Variants in NELL1 observed in about 807,000 individuals in gnomAD.
NELL1 encodes the protein protein kinase C-binding protein NELL1.
Under a neutral mutation model 107.4 loss-of-function variants are expected in NELL1, and 76 were observed. That is an observed-to-expected ratio of 0.71 (90% CI 0.59 to 0.86). NELL1 has a LOEUF of 0.86. NELL1 is among the 40% of genes least tolerant of loss of function. The pLI is 0.00. For missense variants in NELL1, 1,024 were observed against 1,005.5 expected (o/e 1.02, Z -0.25); for synonymous variants, 353 against 341.2 (o/e 1.03, Z -0.38).
chr11:21,339,145 G>C (rs966873212), intron 14 of NELL1, among the ~76,000 whole-genome samples: 4 of 152,312 alleles, frequency 2.6e-5, no homozygotes, highest in African/African-American at 9.6e-5. Context: ...GAATGTGACT[G>C]TATGTGGAAT....
intron 2 of NELL1, among the ~76,000 whole-genome samples, chr11:20,707,390 C>T (rs1854994087): frequency 6.6e-6 from 1 of 152,240 alleles, no homozygotes; most frequent in Non-Finnish European, 1.5e-5. Context: ...ATTATCTGCT[C>T]AGCTTTGTTC....
At chr11:21,089,119 T>G (rs1028033886) in intron 12 of NELL1, among the ~76,000 whole-genome samples, 1 of 152,146 alleles carries the variant, frequency 6.6e-6, no homozygotes, top group African/African-American at 2.4e-5. Flanking sequence ...CATAATTGCT[T>G]AGAGTAAAGC....
chr11:20,982,315 G>T (rs569645777), intron 12 of NELL1, among the ~76,000 whole-genome samples: 2 of 152,208 alleles, frequency 1.3e-5, no homozygotes, highest in Non-Finnish European at 2.9e-5. Flanking sequence ...AGAAGTGAGG[G>T]GATAGTTTAT....
chr11:21,436,523 G>A (rs1373714798), intron 15 of NELL1, among the ~76,000 whole-genome samples: 1 of 151,496 alleles, frequency 6.6e-6, no homozygotes, highest in Admixed American at 6.6e-5. Context: ...ATTTATTTGG[G>A]TCTTCTCTCT....
intron 18 of NELL1, among the ~76,000 whole-genome samples, chr11:21,571,451 A>G (rs1857098687): frequency 6.6e-6 from 1 of 151,912 alleles, no homozygotes; most frequent in Admixed American, 6.6e-5. Context: ...CTGGCCCTCA[A>G]GTGGACACAG....
chr11:21,496,087 G>A (rs893148447), intron 15 of NELL1, among the ~76,000 whole-genome samples: 1 of 152,044 alleles, frequency 6.6e-6, no homozygotes, highest in Admixed American at 6.5e-5. Flanking sequence ...TGAAGACCTT[G>A]AAAATGATAG....
intron 4 of NELL1, among the ~76,000 whole-genome samples, chr11:20,872,407 C>T (rs1340440936): frequency 6.6e-6 from 1 of 152,098 alleles, no homozygotes; most frequent in Non-Finnish European, 1.5e-5. Flanking sequence ...TCTAGAATTC[C>T]TGGGCTCAAG....
chr11:20,808,096 C>T (rs1479501773), intron 3 of NELL1, among the ~76,000 whole-genome samples: 3 of 152,172 alleles, frequency 2.0e-5, no homozygotes, highest in South Asian at 2.1e-4. Flanking sequence ...TTACTCTTTC[C>T]TCTGCTTTTC....
intron 12 of NELL1, among the ~76,000 whole-genome samples, chr11:20,987,008 A>G (rs1851867116): frequency 6.6e-6 from 1 of 152,208 alleles, no homozygotes; most frequent in Non-Finnish European, 1.5e-5. Context: ...TTCAGAAGAA[A>G]ACTAAAAACT....
At chr11:21,350,366 TAA>T (rs398015516) in intron 14 of NELL1, among the ~76,000 whole-genome samples, 3 of 145,896 alleles carry the variant, frequency 2.1e-5, no homozygotes, top group East Asian at 4.0e-4. Context: ...AAGATCTTTT[TAA>T]AAAAAAAAAA....
chr11:21,271,734 T>G (rs1047994952), intron 14 of NELL1, among the ~76,000 whole-genome samples: 3 of 152,144 alleles, frequency 2.0e-5, no homozygotes, highest in African/African-American at 7.2e-5. Context: ...AACAAAATAT[T>G]AGTGAATTGA....
intron 14 of NELL1, among the ~76,000 whole-genome samples, chr11:21,274,376 C>T (rs1848807888): frequency 6.6e-6 from 1 of 152,166 alleles, no homozygotes; most frequent in South Asian, 2.1e-4. Context: ...GCACCCAATA[C>T]AGGAGCACCC....
At chr11:21,538,894 C>T (rs1452953066) in intron 16 of NELL1, among the ~76,000 whole-genome samples, 1 of 152,118 alleles carries the variant, frequency 6.6e-6, no homozygotes, top group African/African-American at 2.4e-5. Flanking sequence ...CCTTTGTTCT[C>T]TCATATACTT....
chr11:20,989,875 T>C (rs1452261420), intron 12 of NELL1, among the ~76,000 whole-genome samples: 3 of 151,802 alleles, frequency 2.0e-5, no homozygotes, highest in Non-Finnish European at 2.9e-5. Context: ...CGGGCGCCTG[T>C]AGTCCCAGCT....
At chr11:20,939,315 A>T (rs1850797644) in intron 10 of NELL1, among the ~76,000 whole-genome samples, 1 of 151,866 alleles carries the variant, frequency 6.6e-6, no homozygotes, top group South Asian at 2.1e-4. Flanking sequence ...TGACAATGTT[A>T]TTGAAATGAT....
At chr11:21,194,874 C>G (rs1405856265) in intron 13 of NELL1, among the ~76,000 whole-genome samples, 1 of 152,096 alleles carries the variant, frequency 6.6e-6, no homozygotes, top group African/African-American at 2.4e-5. Context: ...CTAGGGCATA[C>G]ACCAACCACT....
intron 15 of NELL1, among the ~76,000 whole-genome samples, chr11:21,439,756 T>A (rs972332945): frequency 2.0e-5 from 3 of 152,128 alleles, no homozygotes; most frequent in African/African-American, 7.2e-5. Flanking sequence ...AGAGTTTTCA[T>A]CTATTTAATT....
chr11:21,452,811 C>CTGGTCTCACAATATCA (rs1853621534), intron 15 of NELL1, among the ~76,000 whole-genome samples: 1 of 151,770 alleles, frequency 6.6e-6, no homozygotes, highest in Non-Finnish European at 1.5e-5. Context: ...CTATAAATTA[C>CTGGTCTCACAATATCA]CTTTTAATCA....
rs375726731 is a variant in NELL1 at position 20,902,953 on chromosome 11, A to C, written c.604-15229A>C. 6.2e-4 allele frequency among the ~76,000 whole-genome samples: 95 copies of C among 152,154 alleles called. 3 individuals are homozygous for C. In the South Asian group the frequency reaches 0.019, roughly 31 times the overall value. On this transcript the variant is annotated intron_variant, in intron 5 of 19. Transcript: ENST00000357134. ...ATACAAAGAAAAATGCATAGAAGTG[A>C]TAAACACTAAATTTAGAATAGTTTA...
Sources: gnomAD v4.1 joint callset for allele counts (sites outside exome capture counted in the v4.1 genomes callset) on GRCh38, gnomAD v4.1.1 for gene constraint, MANE v1.5 for transcripts, NCBI Gene and HGNC (gene_info 2026-07-23, HGNC 2026-07-21) for gene names.